The following MEI4 variants were observed in gnomAD, a reference collection of about 807,000 sequenced individuals.
MEI4 encodes meiosis-specific protein MEI4.
MEI4 carries 27 observed loss-of-function variants against 31.4 expected under a neutral mutation model. The observed-to-expected ratio is 0.86, with a 90% CI of 0.63 to 1.19. The LOEUF (loss-of-function observed/expected upper bound fraction) is 1.19. Among genes scored for constraint, MEI4 ranks in the 50% most tolerant of loss-of-function variants. The pLI, the probability that MEI4 is intolerant of heterozygous loss-of-function variation, is 0.00. For synonymous variants in MEI4, 122 were observed against 145.4 expected (o/e 0.84, Z 1.16); for missense variants, 329 against 398.9 (o/e 0.82, Z 1.49).
intron 4 of MEI4, among the ~76,000 whole-genome samples, chr6:77,880,650 A>G (rs919406343): frequency 3.9e-5 from 6 of 152,274 alleles, no homozygotes; most frequent in Middle Eastern, 3.4e-3. Context: ...GAACGTACCC[A>G]AGCGTTCTTG....
chr6:77,705,729 A>G (rs1228030551), intron 2 of MEI4, among the ~76,000 whole-genome samples: 1 of 152,148 alleles, frequency 6.6e-6, no homozygotes, highest in African/African-American at 2.4e-5. Flanking sequence ...CATTTTTCTT[A>G]TATTACAAGT....
intron 4 of MEI4, among the ~76,000 whole-genome samples, chr6:77,854,430 C>CT (rs35183582): frequency 0.14 from 20,585 of 142,282 alleles, 1,728 homozygotes; most frequent in East Asian, 0.42. Flanking sequence ...TTATAGATGC[C>CT]TTTTTTTTTT....
At chr6:77,840,845 T>C (rs1770339703) in intron 4 of MEI4, among the ~76,000 whole-genome samples, 1 of 152,224 alleles carries the variant, frequency 6.6e-6, no homozygotes, top group South Asian at 2.1e-4. Context: ...GAACCCATGG[T>C]GGCTCCAAGA....
At chr6:77,849,790 T>C (rs906952834) in intron 4 of MEI4, among the ~76,000 whole-genome samples, 1 of 152,180 alleles carries the variant, frequency 6.6e-6, no homozygotes, top group Admixed American at 6.5e-5. Context: ...AAAAACTTCT[T>C]TTATTTAGTT....
At chr6:77,704,245 C>T (rs544519424) in intron 2 of MEI4, among the ~76,000 whole-genome samples, 1 of 152,256 alleles carries the variant, frequency 6.6e-6, no homozygotes, top group Admixed American at 6.5e-5. Flanking sequence ...ATTTTCTTCT[C>T]CCACTTCTCC....
chr6:77,876,696 G>A (rs1771349366), intron 4 of MEI4, among the ~76,000 whole-genome samples: 1 of 152,064 alleles, frequency 6.6e-6, no homozygotes, highest in African/African-American at 2.4e-5. Flanking sequence ...CTTAAATGCG[G>A]TGCACCTCTC....
At chr6:77,827,744 A>G (rs944514842) in intron 3 of MEI4, among the ~76,000 whole-genome samples, 1 of 152,216 alleles carries the variant, frequency 6.6e-6, no homozygotes, top group Admixed American at 6.5e-5. Flanking sequence ...CCTTTCAAAA[A>G]AATTCCACTG....
intron 2 of MEI4, among the ~76,000 whole-genome samples, chr6:77,751,298 A>C (rs111497790): frequency 3.1e-3 from 471 of 151,712 alleles, no homozygotes; most frequent in African/African-American, 1.0e-2. Flanking sequence ...GAAACACACA[A>C]AAAAAAACCC....
intron 4 of MEI4, among the ~76,000 whole-genome samples, chr6:77,907,140 AT>A (rs1011737159): frequency 1.3e-5 from 2 of 151,584 alleles, no homozygotes; most frequent in African/African-American, 2.4e-5. Context: ...ATTACTAGCC[AT>A]TTTTTTTAAA....
intron 4 of MEI4, among the ~76,000 whole-genome samples, chr6:77,878,298 G>T (rs563777408): frequency 4.6e-5 from 7 of 152,110 alleles, no homozygotes; most frequent in Non-Finnish European, 8.8e-5. Flanking sequence ...AAATACCACT[G>T]ATTATTGATA....
At chr6:77,911,586 T>TTTC (rs1766435871) in intron 4 of MEI4, among the ~76,000 whole-genome samples, 1 of 151,966 alleles carries the variant, frequency 6.6e-6, no homozygotes, top group Admixed American at 6.6e-5. Context: ...CCTGCATTAA[T>TTTC]TAATTTGCTT....
chr6:77,866,389 A>G (rs1319226658), intron 4 of MEI4, among the ~76,000 whole-genome samples: 1 of 152,206 alleles, frequency 6.6e-6, no homozygotes, highest in African/African-American at 2.4e-5. Context: ...AAGTCTCAGG[A>G]TACAAAATCA....
chr6:77,814,939 A>C (rs1769654057), intron 3 of MEI4, among the ~76,000 whole-genome samples: 3 of 152,112 alleles, frequency 2.0e-5, no homozygotes, highest in Admixed American at 2.0e-4. Flanking sequence ...TGTCTCAGAT[A>C]CTTTTTGGTT....
At chr6:77,865,605 A>G (rs993151304) in intron 4 of MEI4, among the ~76,000 whole-genome samples, 3 of 152,162 alleles carry the variant, frequency 2.0e-5, no homozygotes, top group African/African-American at 7.2e-5. Flanking sequence ...CCAACCAACA[A>G]AAGTCCAGGA....
At chr6:77,853,891 G>T (rs1276136576) in intron 4 of MEI4, among the ~76,000 whole-genome samples, 1 of 152,080 alleles carries the variant, frequency 6.6e-6, no homozygotes, top group Admixed American at 6.5e-5. Flanking sequence ...CAACTAATGG[G>T]CTACTCTAGT....
chr6:77,848,664 A>G (rs573556402), intron 4 of MEI4, among the ~76,000 whole-genome samples: 9 of 152,208 alleles, frequency 5.9e-5, no homozygotes, highest in East Asian at 1.9e-4. Flanking sequence ...TAGATTGCCA[A>G]CCTCTAAACT....
intron 4 of MEI4, among the ~76,000 whole-genome samples, chr6:77,918,553 G>A (rs1371937419): frequency 6.7e-6 from 1 of 148,160 alleles, no homozygotes. Flanking sequence ...GTTCACTCAT[G>A]ATTTGGCTCT....
intron 3 of MEI4, among the ~76,000 whole-genome samples, chr6:77,825,005 C>T (rs1769908922): frequency 6.7e-6 from 1 of 150,350 alleles, no homozygotes; most frequent in Non-Finnish European, 1.5e-5. Flanking sequence ...TACCTCTGAT[C>T]TCAACTTTTT....
At chr6:77,813,776 A>AT (rs1769628184) in intron 3 of MEI4, among the ~76,000 whole-genome samples, 1 of 151,952 alleles carries the variant, frequency 6.6e-6, no homozygotes, top group South Asian at 2.1e-4. Context: ...TCTGCCATTT[A>AT]TTTTTTAACC....
Sources: allele counts gnomAD v4.1 joint callset (sites outside exome capture counted in the v4.1 genomes callset), GRCh38; gene constraint gnomAD v4.1.1; transcripts MANE v1.5; gene names NCBI Gene and HGNC (gene_info 2026-07-23, HGNC 2026-07-21).